Variants in SGIP1 observed in about 807,000 individuals in gnomAD.
SGIP1 encodes the protein SH3GL interacting endocytic adaptor 1.
Under a neutral mutation model 107.5 loss-of-function variants are expected in SGIP1, and 38 were observed. That is an observed-to-expected ratio of 0.35 (90% CI 0.27 to 0.46). The LOEUF (loss-of-function observed/expected upper bound fraction) is 0.46. SGIP1 is among the 20% of genes least tolerant of loss of function. The probability of loss-of-function intolerance (pLI) is 1.00; values close to 1 mark genes in which losing one functional copy is unlikely to be tolerated. For missense variants in SGIP1, 929 were observed against 1,019.5 expected (o/e 0.91, Z 1.21); for synonymous variants, 365 against 366.1 (o/e 1.00, Z 0.03).
chr1:66,741,260 G>T lies in SGIP1; in HGVS notation c.2300-12G>T, dbSNP rs748744890. The T allele has an allele frequency of 6.0e-6, 9 of 1,507,970 alleles. No individual in the cohort carries two copies. The South Asian group carries it at 1.0e-4, about 17-fold the overall frequency. 93.4% of individuals were successfully genotyped at this position (1,507,970 alleles called of 1,614,324 possible). A position where few individuals can be genotyped will look rare whatever the true frequency, so the allele number is the denominator to read the frequency against. The stretch of plus-strand genomic sequence containing the variant: ...GTTGACTGTTACCTTGTAATAATGT[G>T]TTTTTTTTTAGGGGTGGGTTCTTTG... On this transcript the variant is annotated splice_polypyrimidine_tract_variant and intron_variant, in intron 23 of 24. Coordinates refer to ENST00000371037, the MANE Select transcript of SGIP1 (RefSeq NM_032291.4).
At chr1:66,674,245 ATATTTATTCCTAGAG>A (rs201938256) in intron 12 of SGIP1, among the ~76,000 whole-genome samples, 1,637 of 152,296 alleles carry the variant, frequency 0.011, 33 homozygotes, top group African/African-American at 0.037. Flanking sequence ...TACTTATTAA[ATATTTATTCCTAGAG>A]TTAAACATTT....
At chr1:66,736,255 T>G in intron 21 of SGIP1, among the ~76,000 whole-genome samples, 1 of 140,346 alleles carries the variant, frequency 7.1e-6, no homozygotes, top group African/African-American at 2.8e-5. Flanking sequence ...ATACAAATAT[T>G]TTAAATATAA....
rs572125087 is a variant in SGIP1, at chr1:66,749,379, G to C, written c.*6284G>C. On this transcript the variant is annotated 3_prime_UTR_variant, in exon 25 of 25. Transcript: ENST00000371037. ...AAAAACACTTTGGGGAAAGCTAAGA[G>C]CAGTGCACTGTTTAGCACAGATTTT... is the stretch of plus-strand genomic sequence containing the variant. 6.6e-6 allele frequency among the ~76,000 whole-genome samples: 1 copy of C among 151,488 alleles called. No individual in the cohort carries two copies. Among genetic ancestry groups the C allele is most frequent in the East Asian group, 1.9e-4 (1 of 5,174 alleles).
intron 12 of SGIP1, among the ~76,000 whole-genome samples, chr1:66,676,583 T>C (rs189264783): frequency 6.6e-6 from 1 of 152,104 alleles, no homozygotes; most frequent in Admixed American, 6.5e-5. Flanking sequence ...ATGCAGGCGT[T>C]TTCAGTTTTG....
In SGIP1 at chr1:66,750,194, A is replaced by C. The variant is rs913093774; in HGVS notation, c.*7099A>C. Among the ~76,000 whole-genome samples, 9 of 152,190 alleles carry C rather than the reference A, an allele frequency of 5.9e-5. No homozygotes were observed. The highest frequency in any genetic ancestry group is 2.2e-4 in the African/African-American group (9 of 41,442). ...AACAGAGCTTCACCACAGGCCAAGCAGTAATGTATACAGCTGGCTTTTTAA... is the reference window on the plus strand; with the variant it reads ...AACAGAGCTTCACCACAGGCCAAGCCGTAATGTATACAGCTGGCTTTTTAA... On this transcript the variant is annotated 3_prime_UTR_variant, in exon 25 of 25. Coordinates refer to ENST00000371037, the MANE Select transcript of SGIP1 (RefSeq NM_032291.4).
intron 19 of SGIP1, 25 bp downstream of exon 19, chr1:66,719,430 T>C (rs1368066627): frequency 1.9e-6 from 3 of 1,585,282 alleles, no homozygotes; most frequent in Non-Finnish European, 2.6e-6. Context: ...TGGTCCATTG[T>C]ACTTTCTGAG....
At position 66,587,473 on chromosome 1, in the gene SGIP1, T is replaced by C. The variant is rs150425282; in HGVS notation, c.11-38374T>C. On this transcript the variant is annotated intron_variant, in intron 1 of 24. Transcript: ENST00000371037. Reference sequence around the variant, plus strand: ...TTATTGAGCCATCCACTGAGCTTTTTATTTCAGATTATATTATTCAGATGA... The same window carrying C: ...TTATTGAGCCATCCACTGAGCTTTTCATTTCAGATTATATTATTCAGATGA... Among the ~76,000 whole-genome samples, 8 of 152,266 alleles carry C rather than the reference T, an allele frequency of 5.3e-5. No individual in the cohort carries two copies. The East Asian group carries it at 1.2e-3, about 22-fold the overall frequency.
intron 21 of SGIP1, among the ~76,000 whole-genome samples, chr1:66,735,127 C>CACT (rs889957895): frequency 1.4e-4 from 22 of 152,140 alleles, no homozygotes; most frequent in African/African-American, 5.1e-4. Flanking sequence ...ACCCCACCAC[C>CACT]ACTACCTCAG....
In SGIP1 at chr1:66,750,435, A is replaced by G. The variant is rs1395059346; in HGVS notation, c.*7340A>G. On this transcript the variant is annotated 3_prime_UTR_variant, in exon 25 of 25. Coordinates refer to ENST00000371037, the MANE Select transcript of SGIP1 (RefSeq NM_032291.4). ...TTCTATAGGTAATGAAATCCTGTCA[A>G]TTAAGGAAAATGCTGTGTGTAATTT... 5.3e-5 allele frequency among the ~76,000 whole-genome samples: 8 copies of G among 152,212 alleles called. No homozygotes were observed. Among genetic ancestry groups the G allele is most frequent in the Admixed American group, 5.2e-4 (8 of 15,288 alleles).
At position 66,636,011 on chromosome 1, in the gene SGIP1, T is replaced by C; in HGVS notation, c.167T>C (p.Val56Ala). ...AECAREGGKK[V>A]SKKSNGAPNG... Reference sequence around the variant, plus strand: ...TGTGCGCGTGAAGGAGGAAAAAAAGTTTCGGTAAGGAAACAGATTTTAGTT... The same window carrying C: ...TGTGCGCGTGAAGGAGGAAAAAAAGCTTCGGTAAGGAAACAGATTTTAGTT... Residue 56 changes from valine to alanine, a missense_variant, in exon 4 of 25, where the codon GTT becomes GCT. Coordinates refer to ENST00000371037, the MANE Select transcript of SGIP1 (RefSeq NM_032291.4). 5 of 1,613,446 alleles carry C rather than the reference T, an allele frequency of 3.1e-6. No homozygotes were observed. The highest frequency in any genetic ancestry group is 4.2e-6 in the Non-Finnish European group (5 of 1,179,754).
intron 7 of SGIP1, among the ~76,000 whole-genome samples, chr1:66,656,730 G>A (rs1328627107): frequency 1.3e-5 from 2 of 152,142 alleles, no homozygotes; most frequent in Non-Finnish European, 2.9e-5. Context: ...CCCTAAAATA[G>A]TGTCTGGTAT....
At chr1:66,643,189 A>T (rs547102642) in intron 6 of SGIP1, among the ~76,000 whole-genome samples, 1 of 144,068 alleles carries the variant, frequency 6.9e-6, no homozygotes, top group Non-Finnish European at 1.5e-5. Context: ...AAAGCATGTC[A>T]CACTGATGCA....
intron 19 of SGIP1, among the ~76,000 whole-genome samples, chr1:66,726,930 GAC>G: frequency 6.6e-6 from 1 of 152,290 alleles, no homozygotes; most frequent in East Asian, 1.9e-4. Flanking sequence ...ATGCTCACAC[GAC>G]TGCACTCCAG....
At chr1:66,713,594 T>A (rs150138870) in intron 18 of SGIP1, among the ~76,000 whole-genome samples, 140 of 152,256 alleles carry the variant, frequency 9.2e-4, no homozygotes, top group Non-Finnish European at 1.7e-3. Context: ...TAAACTGTTC[T>A]CTAACTTCAT....
intron 2 of SGIP1, among the ~76,000 whole-genome samples, chr1:66,630,599 G>C (rs2149360364): frequency 6.6e-6 from 1 of 151,728 alleles, no homozygotes; most frequent in East Asian, 2.0e-4. Context: ...CTGATGTCAA[G>C]AGTTTGAGAC....
intron 1 of SGIP1, among the ~76,000 whole-genome samples, chr1:66,573,456 C>T (rs2060653205): frequency 6.6e-6 from 1 of 152,116 alleles, no homozygotes; most frequent in African/African-American, 2.4e-5. Context: ...GACACATGCA[C>T]TCATATGTTT....
chr1:66,737,617 AAT>A (rs1305005930), intron 21 of SGIP1, among the ~76,000 whole-genome samples: 1 of 152,222 alleles, frequency 6.6e-6, no homozygotes, highest in Non-Finnish European at 1.5e-5. Flanking sequence ...TCAGGTGCTT[AAT>A]ATCCCAGAAC....
chr1:66,693,571 C>T (rs535394891), intron 17 of SGIP1, among the ~76,000 whole-genome samples: 14 of 152,206 alleles, frequency 9.2e-5, no homozygotes, highest in African/African-American at 3.4e-4. Flanking sequence ...ATTTTTCTTT[C>T]TTACTGGTCT....
At chr1:66,662,527 C>G (rs1160775606) in intron 8 of SGIP1, among the ~76,000 whole-genome samples, 1 of 152,084 alleles carries the variant, frequency 6.6e-6, no homozygotes, top group African/African-American at 2.4e-5. Context: ...ATAGAACTGC[C>G]GTGTCATAGA....
Sources: allele counts gnomAD v4.1 joint callset (sites outside exome capture counted in the v4.1 genomes callset), GRCh38; gene constraint gnomAD v4.1.1; transcripts MANE v1.5; gene names NCBI Gene and HGNC (gene_info 2026-07-23, HGNC 2026-07-21).